The following RPTOR variants were observed in gnomAD, a reference collection of about 807,000 sequenced individuals.
RPTOR encodes regulatory associated protein of MTOR complex 1.
A neutral mutation model predicts 169.9 loss-of-function variants in RPTOR; 21 were observed. The ratio of observed to expected loss-of-function variants is 0.12; its 90% CI spans 0.09 to 0.18. RPTOR has a LOEUF of 0.18. Ranked by LOEUF, RPTOR falls within the 10% of genes least tolerant of loss-of-function variation. The pLI, the probability that RPTOR is intolerant of heterozygous loss-of-function variation, is 1.00. For synonymous variants in RPTOR, 732 were observed against 753.2 expected (o/e 0.97, Z 0.46); for missense variants, 1,133 against 1,855.9 (o/e 0.61, Z 7.16).
chr17:80,697,485 C>T (rs1041065088), intron 3 of RPTOR, among the ~76,000 whole-genome samples: 1 of 152,206 alleles, frequency 6.6e-6, no homozygotes, highest in Non-Finnish European at 1.5e-5. Context: ...TGACTACCTC[C>T]CATCGGTATC....
intron 3 of RPTOR, among the ~76,000 whole-genome samples, chr17:80,685,293 T>A (rs2065931353): frequency 6.9e-6 from 1 of 144,472 alleles, no homozygotes; most frequent in Non-Finnish European, 1.5e-5. Flanking sequence ...TTATTGTAAG[T>A]GAGTTGAGGT....
At chr17:80,791,911 C>T (rs1338947622) in intron 7 of RPTOR, among the ~76,000 whole-genome samples, 3 of 152,124 alleles carry the variant, frequency 2.0e-5, no homozygotes, top group Admixed American at 1.3e-4. Context: ...ATCCCCTCCC[C>T]CCCTGTCGCC....
intron 9 of RPTOR, among the ~76,000 whole-genome samples, chr17:80,833,305 C>G (rs1240014671): frequency 6.6e-6 from 1 of 152,228 alleles, no homozygotes; most frequent in Admixed American, 6.5e-5. Flanking sequence ...CCTCTGCCCC[C>G]AGCTGCTGGG....
chr17:80,573,857 G>C (rs7226296), intron 1 of RPTOR, among the ~76,000 whole-genome samples: 2 of 152,038 alleles, frequency 1.3e-5, no homozygotes, highest in Non-Finnish European at 2.9e-5. Flanking sequence ...TGGGAACCCA[G>C]ATGGAGAACC....
At chr17:80,807,340 C>A (rs1275232840) in intron 7 of RPTOR, among the ~76,000 whole-genome samples, 1 of 152,042 alleles carries the variant, frequency 6.6e-6, no homozygotes, top group African/African-American at 2.4e-5. Context: ...TTCTAGCCAC[C>A]CCACCACCCT....
chr17:80,694,116 C>T lies in RPTOR; in HGVS notation c.349-13725C>T, dbSNP rs559992008. On this transcript the variant is annotated intron_variant, in intron 3 of 33. Transcript: ENST00000306801. Reference sequence around the variant, plus strand: ...TTTACAGCTGTAGAGCAAATACAGGCGGCTCTGACATCTCAGCTTTTGTTT... The same window carrying T: ...TTTACAGCTGTAGAGCAAATACAGGTGGCTCTGACATCTCAGCTTTTGTTT... 5.3e-5 allele frequency among the ~76,000 whole-genome samples: 8 copies of T among 152,378 alleles called. No homozygotes were observed. The East Asian group carries it at 5.8e-4, about 11-fold the overall frequency.
chr17:80,813,054 C>T (rs774832128), intron 7 of RPTOR, among the ~76,000 whole-genome samples: 15 of 152,200 alleles, frequency 9.9e-5, no homozygotes, highest in Non-Finnish European at 7.3e-5. Flanking sequence ...ACAGAGAGGC[C>T]GCTCCTCTAC....
At chr17:80,779,959 G>A (rs1484895315) in intron 6 of RPTOR, among the ~76,000 whole-genome samples, 2 of 152,074 alleles carry the variant, frequency 1.3e-5, no homozygotes, top group Admixed American at 1.3e-4. Flanking sequence ...CAGGAGTCGG[G>A]GGTACCCAGG....
intron 17 of RPTOR, among the ~76,000 whole-genome samples, chr17:80,887,590 C>T (rs927607617): frequency 1.3e-5 from 2 of 152,186 alleles, no homozygotes; most frequent in African/African-American, 2.4e-5. Context: ...ATCCTGAGCC[C>T]GTCCTGAGCC....
intron 1 of RPTOR, among the ~76,000 whole-genome samples, chr17:80,594,818 G>T (rs1213865149): frequency 6.6e-6 from 1 of 152,210 alleles, no homozygotes; most frequent in Non-Finnish European, 1.5e-5. Context: ...TTGCCAGTTG[G>T]TGAGTAGGAT....
At chr17:80,616,686 G>A (rs1377986387) in intron 1 of RPTOR, among the ~76,000 whole-genome samples, 2 of 152,146 alleles carry the variant, frequency 1.3e-5, no homozygotes, top group Non-Finnish European at 2.9e-5. Flanking sequence ...TACTCGGGAG[G>A]TTGAGATGGG....
rs980622692 is a variant in RPTOR at position 80,942,732 on chromosome 17, C to T, written c.3025+2131C>T. Among the ~76,000 whole-genome samples the T allele has an allele frequency of 2.6e-5, 4 of 152,262 alleles. No homozygotes were observed. The South Asian group carries it at 6.2e-4, about 24-fold the overall frequency. On this transcript the variant is annotated intron_variant, in intron 25 of 33. Coordinates refer to ENST00000306801, the MANE Select transcript of RPTOR (RefSeq NM_020761.3). The stretch of plus-strand genomic sequence containing the variant: ...GGAAGAGAACCAGAGAAGTCGGCGT[C>T]GCCCAGGAGACGGGGTTGGGAAAGC...
intron 2 of RPTOR, among the ~76,000 whole-genome samples, chr17:80,642,209 T>C (rs928858165): frequency 6.6e-6 from 1 of 152,150 alleles, no homozygotes; most frequent in Non-Finnish European, 1.5e-5. Flanking sequence ...TGATCTCGGC[T>C]CACTGCAACC....
chr17:80,652,085 G>A (rs1471982699), intron 3 of RPTOR, among the ~76,000 whole-genome samples: 1 of 151,368 alleles, frequency 6.6e-6, no homozygotes, highest in Non-Finnish European at 1.5e-5. Flanking sequence ...TAAGAGAATC[G>A]CTTGAACCTG....
At chr17:80,944,469 G>A (rs745734922) in intron 25 of RPTOR, among the ~76,000 whole-genome samples, 5 of 152,216 alleles carry the variant, frequency 3.3e-5, no homozygotes, top group African/African-American at 9.7e-5. Flanking sequence ...CAGGAGCTTT[G>A]GGGGTTTTGA....
intron 13 of RPTOR, 64 bp downstream of exon 13, chr17:80,857,964 G>A (rs1479571849): frequency 1.6e-6 from 2 of 1,287,324 alleles, no homozygotes; most frequent in East Asian, 2.3e-5. Flanking sequence ...GGGATGCCGA[G>A]CCCTGCGTTT....
rs371359203 is a variant in RPTOR at position 80,880,498 on chromosome 17, G to A, written c.1584+9G>A. ...CGGACCCCTACATGCCAGTAAGGAC[G>A]GGGCAGCACGCTCTCCACGGGCTTG... On this transcript the variant is annotated intron_variant, in intron 14 of 33. Coordinates refer to ENST00000306801, the MANE Select transcript of RPTOR (RefSeq NM_020761.3). The A allele has an allele frequency of 9.0e-5, 145 of 1,612,974 alleles. No homozygotes were observed. Among genetic ancestry groups the A allele is most frequent in the Admixed American group, 4.5e-4 (27 of 59,986 alleles).
At chr17:80,888,525 G>A (rs567184389) in intron 17 of RPTOR, among the ~76,000 whole-genome samples, 1 of 152,372 alleles carries the variant, frequency 6.6e-6, no homozygotes, top group East Asian at 1.9e-4. Flanking sequence ...AGGGCAGGTG[G>A]GCAAGGGGTA....
chr17:80,688,677 G>A (rs1223801694), intron 3 of RPTOR, among the ~76,000 whole-genome samples: 1 of 152,236 alleles, frequency 6.6e-6, no homozygotes, highest in Non-Finnish European at 1.5e-5. Context: ...CCGGTGCTAT[G>A]CGGGCTGGGA....
Sources: gnomAD v4.1 joint callset for allele counts (sites outside exome capture counted in the v4.1 genomes callset) on GRCh38, gnomAD v4.1.1 for gene constraint, MANE v1.5 for transcripts, NCBI Gene and HGNC (gene_info 2026-07-23, HGNC 2026-07-21) for gene names.